The following SDK1 variants were observed in gnomAD, a reference collection of about 807,000 sequenced individuals.
The protein encoded by SDK1 is sidekick cell adhesion molecule 1.
A neutral mutation model predicts 245.5 loss-of-function variants in SDK1; 157 were observed. The observed-to-expected ratio is 0.64, with a 90% CI of 0.56 to 0.73. SDK1 has a LOEUF of 0.73. SDK1 is among the 30% of genes least tolerant of loss of function. The probability of loss-of-function intolerance (pLI) is 0.00; values close to 1 mark genes in which losing one functional copy is unlikely to be tolerated. For missense variants in SDK1, 3,583 were observed against 3,002.3 expected (o/e 1.19, Z -4.52); for synonymous variants, 1,647 against 1,278.5 (o/e 1.29, Z -6.15).
chr7:3,401,166 A>G (rs1778877723), intron 1 of SDK1, among the ~76,000 whole-genome samples: 1 of 152,168 alleles, frequency 6.6e-6, no homozygotes, highest in South Asian at 2.1e-4. Flanking sequence ...TTCACTTACT[A>G]AAATCCATAC....
chr7:3,377,848 G>A (rs1321523092), intron 1 of SDK1, among the ~76,000 whole-genome samples: 2 of 151,994 alleles, frequency 1.3e-5, no homozygotes, highest in Non-Finnish European at 2.9e-5. Context: ...GCACGATCTC[G>A]GCTCACTGCA....
chr7:3,727,560 G>T (rs1178193713), intron 4 of SDK1, among the ~76,000 whole-genome samples: 1 of 152,024 alleles, frequency 6.6e-6, no homozygotes, highest in Non-Finnish European at 1.5e-5. Context: ...GCGCCATCTT[G>T]GCTCATGGCA....
chr7:3,434,791 T>G (rs1388390396), intron 1 of SDK1, among the ~76,000 whole-genome samples: 1 of 151,666 alleles, frequency 6.6e-6, no homozygotes, highest in Non-Finnish European at 1.5e-5. Context: ...CTGCAGGGAG[T>G]GTAGATAGAA....
rs776533792 is a variant in SDK1, at chr7:3,821,488, C to G, written c.752C>G (p.Thr251Ser). 1.2e-6 allele frequency: 2 copies of G among 1,613,612 alleles called. No homozygotes were observed. Among genetic ancestry groups the G allele is most frequent in the Non-Finnish European group, 1.7e-6 (2 of 1,179,766 alleles). The stretch of plus-strand genomic sequence containing the variant: ...GAGAATCAGCTGGTGATCCTCGCCA[C>G]CACAACCAGTGATGCCGGGGCATAC... ...TLENQLVILA[T>S]TTSDAGAYYV... is the part of the protein sequence containing the mutation. The change falls in exon 5 of 45, where the codon ACC (threonine) becomes AGC (serine). Residue 251 changes from threonine (T) to serine (S), a missense_variant. Coordinates refer to ENST00000404826, the MANE Select transcript of SDK1 (RefSeq NM_152744.4).
chr7:4,058,217 C>A (rs1317725688), intron 19 of SDK1, among the ~76,000 whole-genome samples: 1 of 151,734 alleles, frequency 6.6e-6, no homozygotes, highest in Non-Finnish European at 1.5e-5. Flanking sequence ...TAAAAAAGAA[C>A]CAAACAGATA....
chr7:3,959,602 C>T (rs1417328038), intron 8 of SDK1, among the ~76,000 whole-genome samples: 1 of 152,182 alleles, frequency 6.6e-6, no homozygotes, highest in African/African-American at 2.4e-5. Context: ...CATTGTCTGT[C>T]CTTCCACACT....
intron 4 of SDK1, among the ~76,000 whole-genome samples, chr7:3,695,062 T>C (rs1300389624): frequency 6.6e-6 from 1 of 152,186 alleles, no homozygotes; most frequent in Non-Finnish European, 1.5e-5. Context: ...ACTCTACATA[T>C]TAGAGACTAA....
intron 4 of SDK1, among the ~76,000 whole-genome samples, chr7:3,657,924 G>C (rs1783239764): frequency 6.6e-6 from 1 of 152,204 alleles, no homozygotes; most frequent in African/African-American, 2.4e-5. Flanking sequence ...GTTGGCATTT[G>C]AATGATACCT....
intron 42 of SDK1, among the ~76,000 whole-genome samples, chr7:4,241,222 A>C (rs897506072): frequency 6.6e-6 from 1 of 151,954 alleles, no homozygotes; most frequent in African/African-American, 2.4e-5. Flanking sequence ...GAAGCTCTGT[A>C]CCCTTTCTTT....
chr7:4,152,112 G>A (rs182456537), intron 30 of SDK1, among the ~76,000 whole-genome samples: 1 of 152,352 alleles, frequency 6.6e-6, no homozygotes, highest in Non-Finnish European at 1.5e-5. Context: ...GGATCCTGCT[G>A]TTCCCTCCAG....
intron 1 of SDK1, among the ~76,000 whole-genome samples, chr7:3,456,690 C>T (rs1171648827): frequency 2.6e-5 from 4 of 152,018 alleles, no homozygotes; most frequent in South Asian, 2.1e-4. Context: ...CAACATATGT[C>T]TCTTCTTGGT....
At chr7:4,099,757 G>T (rs1449112944) in intron 22 of SDK1, among the ~76,000 whole-genome samples, 3 of 150,234 alleles carry the variant, frequency 2.0e-5, no homozygotes, top group Admixed American at 6.7e-5. Context: ...TGGGGCGTGT[G>T]TGAGCGGGAT....
At chr7:4,196,217 C>T (rs1163253045) in intron 35 of SDK1, among the ~76,000 whole-genome samples, 5 of 152,180 alleles carry the variant, frequency 3.3e-5, no homozygotes, top group Admixed American at 3.3e-4. Flanking sequence ...TGGTGGATTC[C>T]AGGCCCTTGC....
rs1491209707 is a variant in SDK1, at chr7:4,193,153, TAA to T, written c.5099-12725_5099-12724del. Among the ~76,000 whole-genome samples, 9 of 131,546 alleles carry T rather than the reference TAA, an allele frequency of 6.8e-5. No individual in the cohort carries two copies. The Admixed American group carries it at 7.4e-4, about 11-fold the overall frequency. 86.3% of individuals were successfully genotyped at this position (131,546 alleles called of 152,430 possible). On this transcript the variant is annotated intron_variant, in intron 35 of 44. Transcript: ENST00000404826. ...ATATAAATATATTAATATATTTATA[TAA>T]TATATATTAAAATATTTATATATTG... is the stretch of plus-strand genomic sequence containing the variant.
At chr7:3,519,976 T>A (rs1782880002) in intron 1 of SDK1, among the ~76,000 whole-genome samples, 1 of 152,200 alleles carries the variant, frequency 6.6e-6, no homozygotes, top group South Asian at 2.1e-4. Flanking sequence ...GTGATTTTAT[T>A]TGTGCATATG....
intron 32 of SDK1, among the ~76,000 whole-genome samples, chr7:4,172,677 C>T (rs981108988): frequency 1.3e-5 from 2 of 152,166 alleles, no homozygotes; most frequent in Admixed American, 1.3e-4. Context: ...GGCCAAAAGT[C>T]CAAACTCAAG....
At chr7:4,072,909 C>T (rs987504180) in intron 20 of SDK1, among the ~76,000 whole-genome samples, 1 of 152,336 alleles carries the variant, frequency 6.6e-6, no homozygotes, top group Admixed American at 6.5e-5. Flanking sequence ...TGCGCCTGCC[C>T]GAGTAAATTG....
intron 1 of SDK1, among the ~76,000 whole-genome samples, chr7:3,540,184 A>G (rs902975200): frequency 1.3e-5 from 2 of 152,198 alleles, no homozygotes; most frequent in Admixed American, 1.3e-4. Context: ...AGGCAGGTGG[A>G]TCAGCTGAGG....
intron 28 of SDK1, among the ~76,000 whole-genome samples, chr7:4,138,574 C>A (rs1779247480): frequency 6.6e-6 from 1 of 151,918 alleles, no homozygotes; most frequent in South Asian, 2.1e-4. Context: ...TGGTGAAACC[C>A]CGTTTCTACT....
Sources: gnomAD v4.1 joint callset for allele counts (sites outside exome capture counted in the v4.1 genomes callset) on GRCh38, gnomAD v4.1.1 for gene constraint, MANE v1.5 for transcripts, NCBI Gene and HGNC (gene_info 2026-07-23, HGNC 2026-07-21) for gene names.